The following TRAPPC9 variants were observed in gnomAD, a reference collection of about 807,000 sequenced individuals.
TRAPPC9 encodes the protein IKK2 binding protein.
TRAPPC9 carries 83 observed loss-of-function variants against 124.0 expected under a neutral mutation model. The ratio of observed to expected loss-of-function variants is 0.67; its 90% CI spans 0.56 to 0.80. The LOEUF (loss-of-function observed/expected upper bound fraction) is 0.80, where lower values mean the gene tolerates loss of function less well. Among genes scored for constraint, TRAPPC9 ranks in the 30% least tolerant of loss-of-function variants. TRAPPC9 has a pLI of 0.00. For missense variants in TRAPPC9, 1,302 were observed against 1,508.3 expected (o/e 0.86, Z 2.27); for synonymous variants, 638 against 617.5 (o/e 1.03, Z -0.49).
chr8:140,190,411 T>C (rs1317051942), intron 17 of TRAPPC9, among the ~76,000 whole-genome samples: 4 of 152,128 alleles, frequency 2.6e-5, no homozygotes, highest in African/African-American at 9.7e-5. Context: ...TGAGCCAAGA[T>C]TGTGCCACTG....
intron 15 of TRAPPC9, among the ~76,000 whole-genome samples, chr8:140,259,924 A>T (rs2064360529): frequency 6.6e-6 from 1 of 152,244 alleles, no homozygotes; most frequent in Non-Finnish European, 1.5e-5. Context: ...TATGTGAAAA[A>T]AGCGGAATAC....
rs543696929 is a variant in TRAPPC9 at position 139,864,082 on chromosome 8, C to G, written c.3055+21797G>C. Among the ~76,000 whole-genome samples, 17 of 152,274 alleles carry G rather than the reference C, an allele frequency of 1.1e-4. 1 individual carries two copies. In the South Asian group the frequency reaches 2.7e-3, roughly 24 times the overall value. On this transcript the variant is annotated intron_variant, in intron 21 of 22. Coordinates refer to ENST00000438773, the MANE Select transcript of TRAPPC9 (RefSeq NM_001160372.4). Reference sequence around the variant, plus strand: ...CTCCATCAGGCCACCACAAAGCCCCCCTCCCTCTCCTGCAGCCCGAGGCTA... The same window carrying G: ...CTCCATCAGGCCACCACAAAGCCCCGCTCCCTCTCCTGCAGCCCGAGGCTA...
At chr8:140,291,828 A>T (rs1392291682) in intron 11 of TRAPPC9, among the ~76,000 whole-genome samples, 1 of 152,238 alleles carries the variant, frequency 6.6e-6, no homozygotes, top group Non-Finnish European at 1.5e-5. Context: ...CAAGGGCCTA[A>T]GAGCAGCCTC....
At chr8:140,108,212 T>C (rs770374007) in intron 17 of TRAPPC9, among the ~76,000 whole-genome samples, 4 of 152,040 alleles carry the variant, frequency 2.6e-5, no homozygotes, top group Non-Finnish European at 5.9e-5. Flanking sequence ...ACTACATAAT[T>C]ATCAAACAAG....
chr8:140,328,760 A>G (rs1452833902), intron 9 of TRAPPC9, among the ~76,000 whole-genome samples: 1 of 152,222 alleles, frequency 6.6e-6, no homozygotes, highest in East Asian at 1.9e-4. Context: ...CTGGAGCTTT[A>G]GAGATGCTTA....
intron 15 of TRAPPC9, among the ~76,000 whole-genome samples, chr8:140,263,881 G>A (rs2064519603): frequency 6.6e-6 from 1 of 152,182 alleles, no homozygotes; most frequent in African/African-American, 2.4e-5. Flanking sequence ...TGCTGCAGCT[G>A]TCCTCAGCTC....
At position 139,742,832 on chromosome 8, in the gene TRAPPC9, G is replaced by A. The variant is rs535440153; in HGVS notation, c.3056-10630C>T. ...CTGCATCTGTGGGAGAAGAACAGCCGCCACCTGTGGGCTCAGGTTCAGTGT... is the reference window on the plus strand; with the variant it reads ...CTGCATCTGTGGGAGAAGAACAGCCACCACCTGTGGGCTCAGGTTCAGTGT... On this transcript the variant is annotated intron_variant, in intron 21 of 22. Coordinates refer to ENST00000438773, the MANE Select transcript of TRAPPC9 (RefSeq NM_001160372.4). This position sits in a 1 kb window ranked among gnomAD's most constrained non-coding sequence, Gnocchi z 4.7. Among the ~76,000 whole-genome samples, 66 of 152,314 alleles carry A rather than the reference G, an allele frequency of 4.3e-4. No individual in the cohort carries two copies. The highest frequency in any genetic ancestry group is 1.4e-3 in the African/African-American group (59 of 41,564).
intron 5 of TRAPPC9, among the ~76,000 whole-genome samples, chr8:140,421,353 A>T (rs1310910471): frequency 1.3e-5 from 2 of 152,236 alleles, no homozygotes; most frequent in Non-Finnish European, 2.9e-5. Flanking sequence ...TTAAATTATG[A>T]CAGGTAATCA....
intron 17 of TRAPPC9, among the ~76,000 whole-genome samples, chr8:140,162,704 CA>C (rs2061771797): frequency 6.6e-6 from 1 of 152,184 alleles, no homozygotes; most frequent in African/African-American, 2.4e-5. Context: ...AAAATGGTTA[CA>C]GGGGCCGGCA....
In TRAPPC9 at chr8:140,181,437, G is replaced by T. The variant is rs141854002; in HGVS notation, c.2556+40022C>A. Among the ~76,000 whole-genome samples the T allele has an allele frequency of 1.8e-4, 28 of 152,102 alleles. No individual in the cohort carries two copies. The East Asian group carries it at 4.8e-3, about 26-fold the overall frequency. ...CAAGACGTCCAGTTAAGTTTTGTTG[G>T]TTTGTTTTGTTTTGTTTTGTTTTTT... On this transcript the variant is annotated intron_variant, in intron 17 of 22. Transcript: ENST00000438773.
rs1817673729 is a variant in TRAPPC9, at chr8:139,728,817, C to A, written c.*2244G>T. Among the ~76,000 whole-genome samples the A allele has an allele frequency of 6.6e-6, 1 of 152,228 alleles. No individual in the cohort carries two copies. The highest frequency in any genetic ancestry group is 1.5e-5 in the Non-Finnish European group (1 of 68,042). On this transcript the variant is annotated 3_prime_UTR_variant, in exon 23 of 23. Coordinates refer to ENST00000438773, the MANE Select transcript of TRAPPC9 (RefSeq NM_001160372.4). ...ACTTTGCCTCCTGCCCCTTGAGGTTCTTCCTTCTTGTGGCATCCAGCATTT... is the reference window on the plus strand; with the variant it reads ...ACTTTGCCTCCTGCCCCTTGAGGTTATTCCTTCTTGTGGCATCCAGCATTT...
At position 140,157,368 on chromosome 8, in the gene TRAPPC9, G is replaced by GAAGCCTCCCTTTCCATTCAA. The variant is rs2061671652; in HGVS notation, c.2556+64090_2556+64091insTTGAATGGAAAGGGAGGCTT. Among the ~76,000 whole-genome samples, 5 of 29,346 alleles carry GAAGCCTCCCTTTCCATTCAA rather than the reference G, an allele frequency of 1.7e-4. 2 individuals carry two copies. Among genetic ancestry groups the GAAGCCTCCCTTTCCATTCAA allele is most frequent in the Admixed American group, 8.3e-4 (2 of 2,424 alleles). The allele number at this position is 29,346 out of a possible 152,430, so 19.3% of individuals were successfully genotyped here. ...TTCAGAAGCCTCCCTTTTCCATTCAGAAGCCTCCCTTTTCCATTCAAAAGC... is the reference window on the plus strand; with the variant it reads ...TTCAGAAGCCTCCCTTTTCCATTCAGAAGCCTCCCTTTCCATTCAAAAGCCTCCCTTTTCCATTCAAAAGC... On this transcript the variant is annotated intron_variant, in intron 17 of 22. Transcript: ENST00000438773.
chr8:139,827,666 G>A (rs1825730676), intron 21 of TRAPPC9, among the ~76,000 whole-genome samples: 1 of 152,224 alleles, frequency 6.6e-6, no homozygotes, highest in South Asian at 2.1e-4. Context: ...TGAGAAGCCA[G>A]GTGTCCTGGC....
At chr8:139,933,293 G>A (rs910411903) in intron 19 of TRAPPC9, 7 of 152,206 alleles carry the variant, frequency 4.6e-5, no homozygotes, top group Non-Finnish European at 8.8e-5. Flanking sequence ...GCATGAATAC[G>A]TGTTGAACTG....
At chr8:140,281,981 G>A (rs1158767888) in intron 14 of TRAPPC9, among the ~76,000 whole-genome samples, 1 of 152,154 alleles carries the variant, frequency 6.6e-6, no homozygotes, top group Non-Finnish European at 1.5e-5. Flanking sequence ...AGTGCACTGT[G>A]ATTATTCGGC....
intron 20 of TRAPPC9, among the ~76,000 whole-genome samples, chr8:139,898,206 C>T (rs1830786850): frequency 6.6e-6 from 1 of 152,252 alleles, no homozygotes; most frequent in African/African-American, 2.4e-5. Flanking sequence ...AGCCCCAGCA[C>T]AGCACTTGGC....
At chr8:140,077,715 C>T (rs1843589563) in intron 17 of TRAPPC9, among the ~76,000 whole-genome samples, 1 of 152,054 alleles carries the variant, frequency 6.6e-6, no homozygotes, top group Non-Finnish European at 1.5e-5. Context: ...CTGAACAAGG[C>T]GGCAGCTGGG....
intron 9 of TRAPPC9, among the ~76,000 whole-genome samples, chr8:140,331,872 G>A (rs1304866190): frequency 6.6e-6 from 1 of 152,294 alleles, no homozygotes; most frequent in Non-Finnish European, 1.5e-5. Context: ...AGGTGCTGTT[G>A]ATAGGAATGT....
At chr8:139,734,386 C>A (rs1192300557) in intron 21 of TRAPPC9, among the ~76,000 whole-genome samples, 1 of 152,236 alleles carries the variant, frequency 6.6e-6, no homozygotes, top group African/African-American at 2.4e-5. Context: ...TAGGGAGCCA[C>A]CTGAATGTGG....
Sources: gnomAD v4.1 joint callset for allele counts (sites outside exome capture counted in the v4.1 genomes callset) on GRCh38, gnomAD v4.1.1 for gene constraint, Gnocchi (gnomAD v3.1) non-coding constraint, MANE v1.5 for transcripts, NCBI Gene and HGNC (gene_info 2026-07-23, HGNC 2026-07-21) for gene names.